The following PRPF39 variants were observed in gnomAD, a reference collection of about 807,000 sequenced individuals.
PRPF39 encodes pre-mRNA processing factor 39, also known as pre-mRNA-processing factor 39.
A neutral mutation model predicts 82.1 loss-of-function variants in PRPF39; 27 were observed. That is an observed-to-expected ratio of 0.33 (90% CI 0.24 to 0.45). PRPF39 has a LOEUF of 0.45. Among genes scored for constraint, PRPF39 ranks in the 20% least tolerant of loss-of-function variants. The pLI is 1.00. For missense variants in PRPF39, 581 were observed against 796.9 expected, an observed-to-expected ratio of 0.73 and a Z score of 3.26; for synonymous variants, 261 against 256.4, an observed-to-expected ratio of 1.02 and a Z score of -0.17.
chr14:45,085,507 A>G (rs1883794302), intron 1 of PRPF39, among the ~76,000 whole-genome samples: 1 of 152,244 alleles, frequency 6.6e-6, no homozygotes, highest in Non-Finnish European at 1.5e-5. Context: ...TACATGGAAG[A>G]TAGGACTTCA....
At chr14:45,084,968 ATGT>A (rs1453428159) in intron 1 of PRPF39, among the ~76,000 whole-genome samples, 11 of 152,266 alleles carry the variant, frequency 7.2e-5, no homozygotes, top group Middle Eastern at 3.4e-3. Flanking sequence ...GCTGATTCAA[ATGT>A]TGTTTTTTTC....
intron 3 of PRPF39, 74 bp from the exon 4 acceptor site, chr14:45,096,813 C>G (rs1185189906): frequency 1.3e-6 from 2 of 1,539,286 alleles, no homozygotes; most frequent in Non-Finnish European, 1.8e-6. Context: ...TAAGGTTCAC[C>G]GGATAACACA....
rs1884165865 is a variant in PRPF39, at chr14:45,095,412, C to G, written c.173C>G (p.Thr58Ser). Reference protein sequence around the residue: ...SPNVNASTEETEMASAVDLPV... With the variant: ...SPNVNASTEESEMASAVDLPV... ...AATGTGAATGCATCTACAGAAGAAA[C>G]TGAAATGGCAAGTGCTGTGGACCTT... The change falls in exon 2 of 14, where the codon ACT (threonine) becomes AGT (serine). Residue 58 changes from threonine to serine, a missense_variant. Coordinates refer to ENST00000355765, the MANE Select transcript of PRPF39 (RefSeq NM_017922.4). The G allele has an allele frequency of 1.2e-5, 19 of 1,613,814 alleles. No individual in the cohort carries two copies. The highest frequency in any genetic ancestry group is 1.6e-5 in the Non-Finnish European group (19 of 1,179,878).
intron 1 of PRPF39, among the ~76,000 whole-genome samples, chr14:45,093,524 G>A (rs1239860376): frequency 2.1e-5 from 3 of 143,216 alleles, no homozygotes; most frequent in African/African-American, 7.8e-5. Context: ...GTGCCTGGCC[G>A]AGTATACTAT....
At chr14:45,113,666 G>A (rs919792721) in intron 11 of PRPF39, among the ~76,000 whole-genome samples, 104 of 152,284 alleles carry the variant, frequency 6.8e-4, no homozygotes, top group African/African-American at 2.1e-3. Flanking sequence ...GATGTCTCTC[G>A]ATCAGAATGG....
In PRPF39 at chr14:45,107,755, C is replaced by T. The variant is rs1018825053; in HGVS notation, c.903+139C>T. 1.3e-5 allele frequency: 10 copies of T among 782,026 alleles called. 1 individual carries two copies. In the South Asian group the frequency reaches 1.3e-4, roughly 10 times the overall value. The allele number at this position is 782,026 out of a possible 1,614,324, so 48.4% of individuals were successfully genotyped here. On this transcript the variant is annotated intron_variant, in intron 6 of 13. Coordinates refer to ENST00000355765, the MANE Select transcript of PRPF39 (RefSeq NM_017922.4). ...ACCCATGTAGGCAACATGGTGAAAC[C>T]CTGTCTATACTAAACATACAAAAAT...
rs754913783 is a variant in PRPF39 at position 45,096,989 on chromosome 14, A to G, written c.553A>G (p.Asn185Asp). The G allele has an allele frequency of 9.1e-6, 14 of 1,544,914 alleles. No homozygotes were observed. The highest frequency in any genetic ancestry group is 6.1e-5 in the South Asian group (5 of 81,996). The change falls in exon 4 of 14, where the codon AAC becomes GAC. Residue 185 changes from asparagine (N) to aspartate (D), a missense_variant. Asn to Asp is a conservative substitution (Grantham distance 23). Transcript: ENST00000355765. ...ETLDPGDPET[N>D]NTIRGTFEHA... ...ATTGGACCCTGGTGATCCTGAGACA[A>G]ACAATACAATAAGAGGGTATGTGGA...
chr14:45,105,233 T>C (rs1884490631), intron 5 of PRPF39, among the ~76,000 whole-genome samples: 1 of 152,148 alleles, frequency 6.6e-6, no homozygotes, highest in African/African-American at 2.4e-5. Flanking sequence ...TTTAAAGAAG[T>C]TGTTACATGA....
chr14:45,088,571 T>C (rs1057240420), intron 1 of PRPF39, among the ~76,000 whole-genome samples: 7 of 152,248 alleles, frequency 4.6e-5, no homozygotes, highest in Admixed American at 4.6e-4. Context: ...GGTTGAATCT[T>C]AGCTCTGTTT....
chr14:45,110,815 A>G lies in PRPF39; in HGVS notation c.1570A>G (p.Lys524Glu). ...GCTTTTGGAAGCAATCGAAAGAGAC[A>G]AAGTATGCATTTGTATTTTTAAGAG... ...KVLLEAIERD[K>E]ENTKLYLNLL... The change falls in exon 10 of 14, where the codon AAA becomes GAA. Residue 524 changes from lysine (K) to glutamate (E), a missense_variant and splice_region_variant. Lys to Glu is a moderately conservative substitution (Grantham distance 56). Coordinates refer to ENST00000355765, the MANE Select transcript of PRPF39 (RefSeq NM_017922.4). This position sits in a 1 kb window ranked among gnomAD's most constrained non-coding sequence, Gnocchi z 4.0. 1 of 1,548,328 alleles carries G rather than the reference A, an allele frequency of 6.5e-7. No homozygotes were observed. The highest frequency in any genetic ancestry group is 1.2e-5 in the South Asian group (1 of 83,842).
Position 45,102,439 on chromosome 14 carries a change from G to A in PRPF39, c.570-90G>A, listed in dbSNP as rs1594731432. 6 of 1,123,120 alleles carry A rather than the reference G, an allele frequency of 5.3e-6. No homozygotes were observed. In the East Asian group the frequency reaches 1.6e-4, roughly 31 times the overall value. 69.6% of individuals were successfully genotyped at this position (1,123,120 alleles called of 1,614,324 possible). ...TAGGAAGCAGTTGAATATAATTTTT[G>A]AAGTTAGCATTATCTTCTAAATTTA... is the stretch of plus-strand genomic sequence containing the variant. On this transcript the variant is annotated intron_variant, in intron 4 of 13. Transcript: ENST00000355765.
intron 13 of PRPF39, 109 bp from the exon 14 acceptor site, chr14:45,114,748 G>C: frequency 7.3e-7 from 1 of 1,378,232 alleles, no homozygotes. Flanking sequence ...TAGAATTTTA[G>C]CAGTGAACAC....
intron 1 of PRPF39, 150 bp from the exon 2 acceptor site, chr14:45,095,071 A>T (rs780274525): frequency 7.0e-5 from 33 of 470,668 alleles, no homozygotes; most frequent in Admixed American, 1.1e-4. Flanking sequence ...ATAAAAACTA[A>T]TGAACCTTCT....
chr14:45,090,573 A>C (rs1470470381), intron 1 of PRPF39, among the ~76,000 whole-genome samples: 1 of 152,150 alleles, frequency 6.6e-6, no homozygotes, highest in Non-Finnish European at 1.5e-5. Context: ...ACATTCTAGA[A>C]TAGTTTACCA....
chr14:45,111,113 G>T (rs1884683683), intron 10 of PRPF39: 1 of 319,026 alleles, frequency 3.1e-6, no homozygotes, highest in East Asian at 6.3e-5. Context: ...TAGAACAGAG[G>T]ACTTGGGAGA....
At chr14:45,107,696 A>G (rs1222336655) in intron 6 of PRPF39, 80 bp downstream of exon 6, 4 of 1,405,376 alleles carry the variant, frequency 2.8e-6, no homozygotes, top group African/African-American at 1.4e-5. Flanking sequence ...TGGGAGGCCA[A>G]GGTAGGCGGG....
At chr14:45,095,774 TGTA>T in intron 2 of PRPF39, 3 of 665,274 alleles carry the variant, frequency 4.5e-6, no homozygotes, top group Non-Finnish European at 6.9e-6. Context: ...CTTAATGTTT[TGTA>T]ATAATTGAGG....
Position 45,115,867 on chromosome 14 carries a change from A to C in PRPF39, c.*954A>C, listed in dbSNP as rs1302191169. On this transcript the variant is annotated 3_prime_UTR_variant, in exon 14 of 14. Coordinates refer to ENST00000355765, the MANE Select transcript of PRPF39 (RefSeq NM_017922.4). Reference sequence around the variant, plus strand: ...TTAGTTCCAATTCCCTAATCAGAACAATAATATATTAACACCAAACAAATC... The same window carrying C: ...TTAGTTCCAATTCCCTAATCAGAACCATAATATATTAACACCAAACAAATC... The C allele has an allele frequency of 4.8e-6, 1 of 207,956 alleles. No individual in the cohort carries two copies. The highest frequency in any genetic ancestry group is 5.1e-5 in the Admixed American group (1 of 19,526). 12.9% of individuals were successfully genotyped at this position (207,956 alleles called of 1,614,324 possible).
intron 4 of PRPF39, among the ~76,000 whole-genome samples, chr14:45,097,692 C>T (rs1884244268): frequency 6.6e-6 from 1 of 152,120 alleles, no homozygotes; most frequent in South Asian, 2.1e-4. Flanking sequence ...CCTGGTTTAC[C>T]ATGTTCTCAT....
Sources: gnomAD v4.1 joint callset for allele counts (sites outside exome capture counted in the v4.1 genomes callset) on GRCh38, gnomAD v4.1.1 for gene constraint, Gnocchi (gnomAD v3.1) non-coding constraint, MANE v1.5 for transcripts, NCBI Gene and HGNC (gene_info 2026-07-23, HGNC 2026-07-21) for gene names.